Variants in EIF4E observed in about 807,000 individuals in gnomAD.
The protein encoded by EIF4E is eukaryotic translation initiation factor 4E.
For missense variants in EIF4E, 113 were observed against 265.6 expected, an observed-to-expected ratio of 0.43 and a Z score of 3.99; for synonymous variants, 71 against 88.5, an observed-to-expected ratio of 0.80 and a Z score of 1.11.
rs138111257 is a variant in EIF4E, at chr4:98,888,350, A to G, written c.222-398T>C. 2.8e-3 allele frequency among the ~76,000 whole-genome samples: 428 copies of G among 152,090 alleles called. 3 individuals are homozygous for G. The highest frequency in any genetic ancestry group is 9.3e-3 in the African/African-American group (384 of 41,394). On this transcript the variant is annotated intron_variant, in intron 3 of 6. Coordinates refer to ENST00000450253, the MANE Select transcript of EIF4E (RefSeq NM_001968.5). ...AACAAAAACAAAAACAAAAACAAAA[A>G]CCAGAAACGATGAACTTCCTGACCA...
chr4:98,918,778 G>A (rs184209658), intron 1 of EIF4E, among the ~76,000 whole-genome samples: 10 of 152,306 alleles, frequency 6.6e-5, no homozygotes, highest in Non-Finnish European at 1.3e-4. Flanking sequence ...GACATATTAA[G>A]TGAAAAAACA....
intron 1 of EIF4E, among the ~76,000 whole-genome samples, chr4:98,904,140 A>G (rs1724762299): frequency 6.6e-6 from 1 of 152,206 alleles, no homozygotes; most frequent in Non-Finnish European, 1.5e-5. Context: ...CAGCTAAGCC[A>G]AAACTTGCAA....
At chr4:98,913,915 A>G (rs775939249) in intron 1 of EIF4E, among the ~76,000 whole-genome samples, 5 of 152,156 alleles carry the variant, frequency 3.3e-5, no homozygotes, top group Non-Finnish European at 7.3e-5. Flanking sequence ...AAGAGACAAC[A>G]CATCTATCAA....
intron 2 of EIF4E, among the ~76,000 whole-genome samples, chr4:98,896,992 T>C (rs560210868): frequency 6.6e-6 from 1 of 152,246 alleles, no homozygotes; most frequent in South Asian, 2.1e-4. Context: ...TTTGGAAAAT[T>C]TGAAAACATC....
At chr4:98,883,445 C>A (rs377448232) in intron 6 of EIF4E, among the ~76,000 whole-genome samples, 1 of 126,252 alleles carries the variant, frequency 7.9e-6, no homozygotes, top group African/African-American at 3.0e-5. Flanking sequence ...GTCTCCCAGG[C>A]TGGAGCGCAG....
intron 1 of EIF4E, among the ~76,000 whole-genome samples, chr4:98,923,976 A>G (rs1725763633): frequency 6.6e-6 from 1 of 152,246 alleles, no homozygotes; most frequent in Non-Finnish European, 1.5e-5. Context: ...TCAGATATTA[A>G]GATGAGACTA....
intron 3 of EIF4E, among the ~76,000 whole-genome samples, chr4:98,888,980 G>A (rs1258011029): frequency 2.0e-5 from 3 of 151,956 alleles, no homozygotes; most frequent in African/African-American, 4.8e-5. Context: ...CCAACATGAT[G>A]AAACCCTGTC....
chr4:98,899,831 G>A (rs1457615494), intron 2 of EIF4E, among the ~76,000 whole-genome samples: 1 of 151,964 alleles, frequency 6.6e-6, no homozygotes, highest in Admixed American at 6.6e-5. Context: ...GACTACTCTG[G>A]GGAGTGAAGA....
At chr4:98,913,004 C>T (rs937981688) in intron 1 of EIF4E, among the ~76,000 whole-genome samples, 7 of 151,860 alleles carry the variant, frequency 4.6e-5, no homozygotes, top group Non-Finnish European at 7.4e-5. Flanking sequence ...GTCAGGTGTT[C>T]GAGACCAGCC....
Position 98,880,799 on chromosome 4 carries a change from C to T in EIF4E, c.*229G>A, listed in dbSNP as rs576425202. The T allele has an allele frequency of 2.6e-5, 17 of 651,346 alleles. No homozygotes were observed. Among genetic ancestry groups the T allele is most frequent in the Admixed American group, 7.5e-5 (2 of 26,742 alleles). The allele number at this position is 651,346 out of a possible 1,614,324, so 40.3% of individuals were successfully genotyped here. On this transcript the variant is annotated 3_prime_UTR_variant, in exon 7 of 7. Transcript: ENST00000450253. ...CATTTATGGATTCTGGGGATGTGTA[C>T]TGTAATTCTTTGATTGGGATAGTGG...
intron 1 of EIF4E, among the ~76,000 whole-genome samples, chr4:98,907,296 T>C (rs1170938022): frequency 6.6e-6 from 1 of 152,200 alleles, no homozygotes; most frequent in East Asian, 1.9e-4. Context: ...CTTTTAAAGG[T>C]ACTCCCAGAT....
intron 1 of EIF4E, among the ~76,000 whole-genome samples, chr4:98,919,357 CATT>C (rs1364656936): frequency 1.4e-5 from 2 of 140,558 alleles, no homozygotes; most frequent in Non-Finnish European, 3.2e-5. Flanking sequence ...CAAAAAAAAA[CATT>C]AACCCACAGA....
chr4:98,917,095 C>A (rs1379528084), intron 1 of EIF4E, among the ~76,000 whole-genome samples: 3 of 65,278 alleles, frequency 4.6e-5, no homozygotes, highest in Non-Finnish European at 7.6e-5. Context: ...CACACACACA[C>A]ACACACACAC....
chr4:98,916,073 C>A (rs1725366797), intron 1 of EIF4E, among the ~76,000 whole-genome samples: 1 of 151,402 alleles, frequency 6.6e-6, no homozygotes, highest in Non-Finnish European at 1.5e-5. Flanking sequence ...CACCTGTAAT[C>A]CCAGCTACTC....
rs927267113 is a variant in EIF4E at position 98,929,119 on chromosome 4, T to C, written c.-7A>G. The C allele has an allele frequency of 1.9e-6, 3 of 1,571,036 alleles. No homozygotes were observed. The highest frequency in any genetic ancestry group is 2.6e-6 in the Non-Finnish European group (3 of 1,157,734). On this transcript the variant is annotated 5_prime_UTR_variant, in exon 1 of 7. Transcript: ENST00000450253. ...CCGGTTCGACAGTCGCCATCTTAGATCGATCTGATCGCACAACCGCTCCAG... is the reference window on the plus strand; with the variant it reads ...CCGGTTCGACAGTCGCCATCTTAGACCGATCTGATCGCACAACCGCTCCAG...
chr4:98,892,938 A>C (rs1186919220), intron 2 of EIF4E, among the ~76,000 whole-genome samples: 3 of 152,188 alleles, frequency 2.0e-5, no homozygotes, highest in Non-Finnish European at 4.4e-5. Context: ...ATAATACATA[A>C]TAGCTTATAT....
At chr4:98,906,336 T>G (rs1441227159) in intron 1 of EIF4E, among the ~76,000 whole-genome samples, 1 of 152,244 alleles carries the variant, frequency 6.6e-6, no homozygotes, top group African/African-American at 2.4e-5. Flanking sequence ...CACAGACTAC[T>G]ACTGCTGGTC....
chr4:98,889,280 T>TGAGTAGTTGGG, intron 3 of EIF4E, among the ~76,000 whole-genome samples: 1 of 152,166 alleles, frequency 6.6e-6, no homozygotes, highest in East Asian at 1.9e-4. Flanking sequence ...AGTCACTACC[T>TGAGTAGTTGGG]AATGGTAACT....
chr4:98,881,583 G>GTCTAT, intron 6 of EIF4E, among the ~76,000 whole-genome samples: 1 of 151,492 alleles, frequency 6.6e-6, no homozygotes, highest in African/African-American at 2.4e-5. Context: ...AAACAAACAT[G>GTCTAT]TTTCATTCTT....
Sources: gnomAD v4.1 joint callset for allele counts (sites outside exome capture counted in the v4.1 genomes callset) on GRCh38, gnomAD v4.1.1 for gene constraint, MANE v1.5 for transcripts, NCBI Gene and HGNC (gene_info 2026-07-23, HGNC 2026-07-21) for gene names.